Variants in P2RX7 observed in about 807,000 individuals in gnomAD.
P2RX7 encodes the protein purinergic receptor P2X 7, also known as P2X purinoceptor 7.
A neutral mutation model predicts 71.6 loss-of-function variants in P2RX7; 62 were observed. That is an observed-to-expected ratio of 0.87 (90% CI 0.71 to 1.07). P2RX7 has a LOEUF of 1.07. P2RX7 is among the 50% of genes least tolerant of loss of function. P2RX7 has a pLI of 0.00. For missense variants in P2RX7, 686 were observed against 748.5 expected (o/e 0.92, Z 0.97); for synonymous variants, 299 against 283.3 (o/e 1.06, Z -0.56).
At chr12:121,160,646 A>G (rs780926662) in intron 3 of P2RX7, among the ~76,000 whole-genome samples, 10 of 152,138 alleles carry the variant, frequency 6.6e-5, no homozygotes, top group Non-Finnish European at 1.5e-4. Flanking sequence ...CATGTTCTCC[A>G]GGTCCATCCA....
chr12:121,171,489 T>C (rs1172274644), intron 8 of P2RX7, among the ~76,000 whole-genome samples: 2 of 151,632 alleles, frequency 1.3e-5, no homozygotes, highest in Non-Finnish European at 2.9e-5. Context: ...TCCTTTATCT[T>C]ATAAAGATAC....
intron 8 of P2RX7, among the ~76,000 whole-genome samples, chr12:121,172,523 C>T (rs1337175489): frequency 6.6e-6 from 1 of 151,966 alleles, no homozygotes; most frequent in African/African-American, 2.4e-5. Flanking sequence ...TCCCAGCTGC[C>T]GGGAGGCTGA....
rs200169969 is a variant in P2RX7, at chr12:121,175,445, C to T, written c.939C>T (p.Phe313=). The change falls in exon 9 of 13, where the codon TTC becomes TTT. Residue 313 remains phenylalanine (F), a synonymous_variant. Coordinates refer to ENST00000328963, the MANE Select transcript of P2RX7 (RefSeq NM_002562.6). ...AGAAACGGACTCTGATAAAAGTCTTCGGGATCCGTTTTGACATCCTGGTTT... is the reference window on the plus strand; with the variant it reads ...AGAAACGGACTCTGATAAAAGTCTTTGGGATCCGTTTTGACATCCTGGTTT... ...NVEKRTLIKV[F]GIRFDILVFG... 7.3e-5 allele frequency: 115 copies of T among 1,580,170 alleles called. No individual in the cohort carries two copies. The African/African-American group carries it at 1.4e-3, about 20-fold the overall frequency.
chr12:121,166,317 C>T, intron 7 of P2RX7, 130 bp downstream of exon 7: 1 of 980,718 alleles, frequency 1.0e-6, no homozygotes, highest in Non-Finnish European at 1.5e-6. Flanking sequence ...AGTAAATCCA[C>T]CCGCTACGCT....
intron 1 of P2RX7, among the ~76,000 whole-genome samples, chr12:121,135,122 C>CTT (rs1873274558): frequency 6.6e-6 from 1 of 151,864 alleles, no homozygotes; most frequent in Admixed American, 6.6e-5. Context: ...GGGTGGATCA[C>CTT]GAAGTCAGGA....
At chr12:121,139,917 A>G (rs960898014) in intron 1 of P2RX7, among the ~76,000 whole-genome samples, 1 of 152,040 alleles carries the variant, frequency 6.6e-6, no homozygotes, top group African/African-American at 2.4e-5. Flanking sequence ...TTTTTAGTAG[A>G]GATGGGGTTC....
At chr12:121,162,976 A>G (rs208295) in intron 5 of P2RX7, among the ~76,000 whole-genome samples, 18,953 of 144,402 alleles carry the variant, frequency 0.13, 1,424 homozygotes, top group African/African-American at 0.22. Context: ...AGGGTAAAAG[A>G]GGGGGGGAAG....
intron 4 of P2RX7, chr12:121,162,196 C>T: frequency 7.7e-7 from 1 of 1,305,826 alleles, no homozygotes; most frequent in Non-Finnish European, 9.8e-7. Flanking sequence ...CAGCAGAATC[C>T]ACAGTCTTTC....
At chr12:121,167,154 T>C (rs915500294) in intron 7 of P2RX7, among the ~76,000 whole-genome samples, 4 of 152,022 alleles carry the variant, frequency 2.6e-5, no homozygotes, top group Non-Finnish European at 5.9e-5. Context: ...TAGAGTGCCC[T>C]GAATTCCAGT....
At chr12:121,136,253 T>G (rs1378349748) in intron 1 of P2RX7, among the ~76,000 whole-genome samples, 1 of 151,444 alleles carries the variant, frequency 6.6e-6, no homozygotes, top group Admixed American at 6.6e-5. Context: ...ATACGTAGAT[T>G]GTATGTCACA....
intron 8 of P2RX7, among the ~76,000 whole-genome samples, chr12:121,170,662 T>C (rs1881997186): frequency 6.6e-6 from 1 of 152,068 alleles, no homozygotes; most frequent in Admixed American, 6.6e-5. Context: ...GTAATACAGC[T>C]ACTGGGAGGC....
intron 1 of P2RX7, among the ~76,000 whole-genome samples, chr12:121,144,097 C>T (rs1210413574): frequency 2.6e-5 from 4 of 152,178 alleles, no homozygotes; most frequent in Non-Finnish European, 5.9e-5. Context: ...CTATTCTCTG[C>T]CTCTGGAGAT....
intron 9 of P2RX7, among the ~76,000 whole-genome samples, chr12:121,176,725 C>T (rs1357038393): frequency 2.2e-5 from 3 of 139,152 alleles, no homozygotes; most frequent in Non-Finnish European, 4.5e-5. Flanking sequence ...GCACTCCAGC[C>T]TGGGCAAGAG....
chr12:121,135,833 A>G (rs1183296), intron 1 of P2RX7, among the ~76,000 whole-genome samples: 92,405 of 148,484 alleles, frequency 0.62, 31,288 homozygotes, highest in Middle Eastern at 0.8. Context: ...TGGAAACTCC[A>G]TCTGTGCTAA....
chr12:121,175,360 A>C (rs374957484), intron 8 of P2RX7, 28 bp from the exon 9 acceptor site: 5 of 1,490,262 alleles, frequency 3.4e-6, no homozygotes, highest in Non-Finnish European at 9.3e-7. Context: ...AAGGGATCTT[A>C]CAAATACAGA....
At chr12:121,140,619 C>T (rs897417811) in intron 1 of P2RX7, among the ~76,000 whole-genome samples, 2 of 152,004 alleles carry the variant, frequency 1.3e-5, no homozygotes, top group African/African-American at 2.4e-5. Context: ...TCCTGAGGAA[C>T]GATGATGCCT....
intron 1 of P2RX7, among the ~76,000 whole-genome samples, chr12:121,134,654 A>G (rs1206662583): frequency 6.6e-6 from 1 of 152,192 alleles, no homozygotes; most frequent in Non-Finnish European, 1.5e-5. Flanking sequence ...GGCCTCCCAA[A>G]GTGCTGGGAT....
intron 7 of P2RX7, 36 bp from the exon 8 acceptor site, chr12:121,167,452 A>G (rs771002311): frequency 6.2e-7 from 1 of 1,609,394 alleles, no homozygotes; most frequent in South Asian, 1.1e-5. Flanking sequence ...ACTCACACCC[A>G]GCAGCCATAG....
intron 1 of P2RX7, among the ~76,000 whole-genome samples, chr12:121,144,736 G>A (rs993623552): frequency 6.6e-6 from 1 of 152,152 alleles, no homozygotes; most frequent in Non-Finnish European, 1.5e-5. Context: ...CCTGGACTGG[G>A]GAGGTGATAG....
Sources: gnomAD v4.1 joint callset for allele counts (sites outside exome capture counted in the v4.1 genomes callset) on GRCh38, gnomAD v4.1.1 for gene constraint, MANE v1.5 for transcripts, NCBI Gene and HGNC (gene_info 2026-07-23, HGNC 2026-07-21) for gene names.